Variants in DPP6 observed in about 807,000 individuals in gnomAD.
The protein encoded by DPP6 is dipeptidyl peptidase like 6.
DPP6 carries 69 observed loss-of-function variants against 122.6 expected under a neutral mutation model. The ratio of observed to expected loss-of-function variants is 0.56; its 90% confidence interval spans 0.46 to 0.69. DPP6 has a LOEUF of 0.69. Among genes scored for constraint, DPP6 ranks in the 30% least tolerant of loss-of-function variants. The pLI is 0.00. For missense variants in DPP6, 928 were observed against 1,116.9 expected (o/e 0.83, Z 2.41); for synonymous variants, 418 against 433.1 (o/e 0.97, Z 0.43).
intron 1 of DPP6, among the ~76,000 whole-genome samples, chr7:154,062,791 C>T (rs1413979895): frequency 9.6e-6 from 1 of 104,700 alleles, no homozygotes; most frequent in Non-Finnish European, 2.0e-5. Flanking sequence ...CCCACTGGCT[C>T]TTAGGACCCC....
intron 3 of DPP6, among the ~76,000 whole-genome samples, chr7:154,508,009 A>G (rs886311364): frequency 6.6e-6 from 1 of 152,172 alleles, no homozygotes; most frequent in African/African-American, 2.4e-5. Context: ...TAGAAATTTG[A>G]GAAAAGATGT....
chr7:153,855,810 A>T, the DPP6 span, among the ~76,000 whole-genome samples: 4 of 152,044 alleles, frequency 2.6e-5, no homozygotes, highest in African/African-American at 9.7e-5. Context: ...TACCATACCT[A>T]CATCTCTGCA....
At position 153,897,753 on chromosome 7, in the gene DPP6, C is replaced by T. The variant is rs991260579; in HGVS notation, c.51+10019C>T. On this transcript the variant is annotated intron_variant, in intron 1 of 25. Coordinates refer to the DPP6 transcript ENST00000404039. ...ATCGTTATCTGTTTCTTAGCTTCCA[C>T]AAATTTCTTCCTATTTATTGTTGTT... Among the ~76,000 whole-genome samples, 5 of 152,182 alleles carry T rather than the reference C, an allele frequency of 3.3e-5. No homozygotes were observed. The East Asian group carries it at 9.6e-4, about 29-fold the overall frequency.
At chr7:154,761,246 GGGTGA>G (rs1795533629) in intron 8 of DPP6, among the ~76,000 whole-genome samples, 1 of 152,204 alleles carries the variant, frequency 6.6e-6, no homozygotes, top group Non-Finnish European at 1.5e-5. Flanking sequence ...GCACCAACTG[GGGTGA>G]CCAGAAGGGA....
intron 5 of DPP6, among the ~76,000 whole-genome samples, chr7:154,614,532 G>C (rs563984034): frequency 1.3e-5 from 2 of 152,212 alleles, no homozygotes; most frequent in African/African-American, 4.8e-5. Context: ...TTATAGCTCT[G>C]TTTTCTTTTC....
intron 7 of DPP6, among the ~76,000 whole-genome samples, chr7:154,721,603 G>A (rs1405912910): frequency 1.3e-5 from 2 of 152,174 alleles, no homozygotes; most frequent in East Asian, 3.8e-4. Context: ...ATTTTTAGCT[G>A]TGACACCAAA....
intron 16 of DPP6, among the ~76,000 whole-genome samples, chr7:154,849,159 A>G (rs1029294104): frequency 6.6e-6 from 1 of 152,134 alleles, no homozygotes; most frequent in Non-Finnish European, 1.5e-5. Context: ...TTGTGGTTGC[A>G]TATGAATTTT....
intron 1 of DPP6, among the ~76,000 whole-genome samples, chr7:154,165,322 C>T (rs1797192983): frequency 7.0e-6 from 1 of 142,612 alleles, no homozygotes; most frequent in South Asian, 2.2e-4. Context: ...CATGTCCCTA[C>T]AAAGGACATG....
At chr7:154,381,282 G>T (rs2151142402) in intron 1 of DPP6, among the ~76,000 whole-genome samples, 1 of 152,324 alleles carries the variant, frequency 6.6e-6, no homozygotes, top group East Asian at 1.9e-4. Flanking sequence ...CTTAGGGGGT[G>T]CCTTTTACTC....
chr7:153,809,090 C>T, the DPP6 span, among the ~76,000 whole-genome samples: 2 of 152,144 alleles, frequency 1.3e-5, no homozygotes, highest in Admixed American at 6.5e-5. Flanking sequence ...AATAAACATC[C>T]TAACGGGTGA....
At chr7:154,696,759 C>T (rs1217101868) in intron 7 of DPP6, among the ~76,000 whole-genome samples, 3 of 152,334 alleles carry the variant, frequency 2.0e-5, no homozygotes, top group South Asian at 2.1e-4. Context: ...TGCGTGATGC[C>T]GTGTTAGCCT....
chr7:154,358,203 A>T (rs1364131185), intron 1 of DPP6, among the ~76,000 whole-genome samples: 2 of 152,218 alleles, frequency 1.3e-5, no homozygotes, highest in African/African-American at 4.8e-5. Flanking sequence ...ACTGTGAGGT[A>T]TACCAGTTGG....
At chr7:154,576,767 C>T (rs1437156118) in intron 5 of DPP6, among the ~76,000 whole-genome samples, 1 of 152,070 alleles carries the variant, frequency 6.6e-6, no homozygotes, top group Non-Finnish European at 1.5e-5. Context: ...TATTCAGCAC[C>T]CACGACCTGC....
intron 1 of DPP6, among the ~76,000 whole-genome samples, chr7:154,037,985 CT>C (rs2129057080): frequency 8.6e-6 from 1 of 115,998 alleles, no homozygotes; most frequent in African/African-American, 3.7e-5. Context: ...AGTGATTTCT[CT>C]TTTCATACTC....
At chr7:154,036,020 TTGTGTGTG>T (rs1162400104) in intron 1 of DPP6, among the ~76,000 whole-genome samples, 1 of 54,546 alleles carries the variant, frequency 1.8e-5, no homozygotes. Context: ...GCGCGCGCGC[TTGTGTGTG>T]TGTGTGTGTG....
In DPP6 at chr7:154,847,246, C is replaced by A. The variant is rs1325851456; in HGVS notation, c.1667-6534C>A. On this transcript the variant is annotated intron_variant, in intron 16 of 25. Transcript: ENST00000377770. ...GGCCAGACTAGATGTCAAGACCGTA[C>A]CAAATATGTTACATTGAGACATGTC... Among the ~76,000 whole-genome samples, 4 of 152,122 alleles carry A rather than the reference C, an allele frequency of 2.6e-5. No individual in the cohort carries two copies. The South Asian group carries it at 6.2e-4, about 24-fold the overall frequency.
intron 3 of DPP6, among the ~76,000 whole-genome samples, chr7:154,507,762 CAAGT>C (rs1825772447): frequency 6.6e-6 from 1 of 152,126 alleles, no homozygotes; most frequent in Non-Finnish European, 1.5e-5. Flanking sequence ...ATGTATCGAT[CAAGT>C]AATAATAGTT....
upstream of DPP6, among the ~76,000 whole-genome samples, chr7:154,052,223 C>G (rs1168353752): frequency 6.6e-6 from 1 of 152,090 alleles, no homozygotes; most frequent in African/African-American, 2.4e-5. This position sits in a 1 kb window ranked among gnomAD's most constrained non-coding sequence, Gnocchi z 4.8. Flanking sequence ...CCACCCTCTT[C>G]ACGCACCCTC....
chr7:154,270,059 G>A (rs912563046), intron 1 of DPP6, among the ~76,000 whole-genome samples: 3 of 152,290 alleles, frequency 2.0e-5, no homozygotes, highest in African/African-American at 4.8e-5. Flanking sequence ...TTCATTTCAT[G>A]CTTCTCATGA....
Sources: allele counts gnomAD v4.1 joint callset (sites outside exome capture counted in the v4.1 genomes callset), GRCh38; gene constraint gnomAD v4.1.1; non-coding constraint Gnocchi (gnomAD v3.1); transcripts MANE v1.5; gene names NCBI Gene and HGNC (gene_info 2026-07-23, HGNC 2026-07-21).